Variants in CCSER1 observed in about 807,000 individuals in gnomAD.
The protein encoded by CCSER1 is coiled-coil serine rich protein 1.
A neutral mutation model predicts 82.0 loss-of-function variants in CCSER1; 41 were observed. The observed-to-expected ratio is 0.50, with a 90% CI of 0.39 to 0.65. CCSER1 has a LOEUF of 0.65. Among genes scored for constraint, CCSER1 ranks in the 30% least tolerant of loss-of-function variants. The probability of loss-of-function intolerance (pLI) is 0.00; values close to 1 mark genes in which losing one functional copy is unlikely to be tolerated. For synonymous variants in CCSER1, 414 were observed against 383.9 expected, an observed-to-expected ratio of 1.08 and a Z score of -0.92; for missense variants, 1,119 against 1,064.2, an observed-to-expected ratio of 1.05 and a Z score of -0.72.
At chr4:90,919,535 G>A (rs1389471634) in intron 8 of CCSER1, among the ~76,000 whole-genome samples, 1 of 151,812 alleles carries the variant, frequency 6.6e-6, no homozygotes, top group African/African-American at 2.4e-5. Context: ...TCTATTATTA[G>A]TAGTAATAAT....
chr4:91,203,431 G>C (rs1020389949), intron 10 of CCSER1, among the ~76,000 whole-genome samples: 1 of 151,630 alleles, frequency 6.6e-6, no homozygotes, highest in Non-Finnish European at 1.5e-5. Context: ...CTACTCTTCT[G>C]TTCCAGGTAT....
At chr4:91,361,177 T>G (rs1578264832) in intron 10 of CCSER1, among the ~76,000 whole-genome samples, 1 of 151,880 alleles carries the variant, frequency 6.6e-6, no homozygotes, top group Non-Finnish European at 1.5e-5. Flanking sequence ...TGTGTTTTGT[T>G]ATTATTATTC....
chr4:90,411,766 G>GTT (rs1754875767), intron 4 of CCSER1, among the ~76,000 whole-genome samples: 1 of 152,140 alleles, frequency 6.6e-6, no homozygotes, highest in Admixed American at 6.5e-5. Context: ...TGGCAGTTCT[G>GTT]GCCAGGGCAA....
intron 1 of CCSER1, among the ~76,000 whole-genome samples, chr4:90,266,489 A>G (rs969911603): frequency 2.6e-5 from 4 of 151,970 alleles, no homozygotes; most frequent in Non-Finnish European, 4.4e-5. Context: ...ACAAAAAAGC[A>G]CCTACATACG....
At chr4:90,193,691 C>A (rs998122544) in intron 1 of CCSER1, among the ~76,000 whole-genome samples, 1 of 151,618 alleles carries the variant, frequency 6.6e-6, no homozygotes, top group Non-Finnish European at 1.5e-5. Flanking sequence ...CCTAAGCTAG[C>A]GGTCCTTAAA....
chr4:90,439,994 G>A (rs1353081757), intron 4 of CCSER1, among the ~76,000 whole-genome samples: 1 of 151,808 alleles, frequency 6.6e-6, no homozygotes, highest in African/African-American at 2.4e-5. Flanking sequence ...TCCTAGTAAT[G>A]TTTTGTTATT....
intron 10 of CCSER1, among the ~76,000 whole-genome samples, chr4:91,497,179 G>A (rs1372449086): frequency 2.0e-5 from 3 of 151,186 alleles, no homozygotes; most frequent in Non-Finnish European, 3.0e-5. Flanking sequence ...ACCCCTTTGA[G>A]GCCTTAGGTT....
chr4:90,628,316 T>A, intron 6 of CCSER1, 84 bp downstream of exon 6: 1 of 1,031,448 alleles, frequency 9.7e-7, no homozygotes, highest in Non-Finnish European at 1.5e-6. Flanking sequence ...GCTCTGTCAG[T>A]AATTAACTAC....
At chr4:90,164,258 GTT>G (rs200535473) in intron 1 of CCSER1, among the ~76,000 whole-genome samples, 201 of 145,170 alleles carry the variant, frequency 1.4e-3, no homozygotes, top group Middle Eastern at 0.011. Flanking sequence ...CATTCTTAAG[GTT>G]TTTTTTTTTT....
At chr4:91,551,843 T>A (rs1372270644) in intron 10 of CCSER1, among the ~76,000 whole-genome samples, 5 of 151,758 alleles carry the variant, frequency 3.3e-5, no homozygotes, top group Non-Finnish European at 7.4e-5. Flanking sequence ...TGAGATTTTG[T>A]TCCTGAAAAT....
At chr4:91,165,536 G>A (rs965279845) in intron 10 of CCSER1, among the ~76,000 whole-genome samples, 3 of 152,224 alleles carry the variant, frequency 2.0e-5, no homozygotes, top group Non-Finnish European at 4.4e-5. Flanking sequence ...GCTCCCAGTG[G>A]TGGGGTCTAC....
chr4:90,656,850 T>C (rs931268497), intron 6 of CCSER1, among the ~76,000 whole-genome samples: 13 of 152,036 alleles, frequency 8.6e-5, no homozygotes, highest in African/African-American at 3.1e-4. Context: ...ATGTATATCT[T>C]TGACCTGGAG....
intron 6 of CCSER1, among the ~76,000 whole-genome samples, chr4:90,656,001 G>A (rs1343515361): frequency 6.6e-6 from 1 of 151,824 alleles, no homozygotes; most frequent in Non-Finnish European, 1.5e-5. Context: ...GCTTCTCCAA[G>A]TAGAGAATAA....
At chr4:90,646,996 C>A (rs1234167703) in intron 6 of CCSER1, among the ~76,000 whole-genome samples, 3 of 152,020 alleles carry the variant, frequency 2.0e-5, no homozygotes. Flanking sequence ...AAATGATAGC[C>A]CAGGATAAAT....
At chr4:90,514,750 G>A (rs1325823833) in intron 5 of CCSER1, among the ~76,000 whole-genome samples, 7 of 151,232 alleles carry the variant, frequency 4.6e-5, no homozygotes, top group East Asian at 1.9e-4. Context: ...AGGAGACGCC[G>A]TTGCAAAAAT....
chr4:90,928,218 A>G (rs2150271269), intron 9 of CCSER1, among the ~76,000 whole-genome samples: 1 of 152,190 alleles, frequency 6.6e-6, no homozygotes, highest in East Asian at 1.9e-4. Context: ...TATGGGCTAT[A>G]ATTTTTCCCA....
rs1346355563 is a variant in CCSER1 at position 90,933,010 on chromosome 4, AAG to A, written c.2172+9565_2172+9566del. ...AAAGAAAGAAAGAAAGAAAGAAAGA[AAG>A]AAAGAAAGAAAGAAAGAAAGAAAGA... On this transcript the variant is annotated intron_variant, in intron 9 of 10. Coordinates refer to ENST00000509176, the MANE Select transcript of CCSER1 (RefSeq NM_001145065.2). Among the ~76,000 whole-genome samples the A allele has an allele frequency of 7.2e-5, 6 of 82,842 alleles. 3 individuals are homozygous for A. The highest frequency in any genetic ancestry group is 8.5e-5 in the Non-Finnish European group (4 of 47,096). 54.3% of individuals were successfully genotyped at this position (82,842 alleles called of 152,430 possible). A position where few individuals can be genotyped will look rare whatever the true frequency, so the allele number is the denominator to read the frequency against.
chr4:90,484,522 G>T (rs966279231), intron 5 of CCSER1, among the ~76,000 whole-genome samples: 5 of 152,084 alleles, frequency 3.3e-5, no homozygotes, highest in African/African-American at 4.8e-5. Context: ...TTTGGTCTTT[G>T]ATGATGGTGA....
intron 5 of CCSER1, among the ~76,000 whole-genome samples, chr4:90,494,344 T>C (rs1231536319): frequency 1.3e-5 from 2 of 152,104 alleles, no homozygotes; most frequent in South Asian, 2.1e-4. Flanking sequence ...CTGTCAACAT[T>C]AGACAGATCC....
Sources: allele counts gnomAD v4.1 joint callset (sites outside exome capture counted in the v4.1 genomes callset), GRCh38; gene constraint gnomAD v4.1.1; transcripts MANE v1.5; gene names NCBI Gene and HGNC (gene_info 2026-07-23, HGNC 2026-07-21).